Variants in CDYL2 observed in about 807,000 individuals in gnomAD.
The protein encoded by CDYL2 is chromodomain Y like 2.
In CDYL2, 23 loss-of-function variants were observed where a neutral mutation model predicts 49.4. The observed-to-expected ratio is 0.47, with a 90% CI of 0.34 to 0.66. The LOEUF (loss-of-function observed/expected upper bound fraction) is 0.66. CDYL2 is among the 30% of genes least tolerant of loss of function. The probability of loss-of-function intolerance (pLI) is 0.01; values close to 1 mark genes in which losing one functional copy is unlikely to be tolerated. For missense variants in CDYL2, 678 were observed against 656.4 expected, an observed-to-expected ratio of 1.03 and a Z score of -0.36; for synonymous variants, 360 against 268.8, an observed-to-expected ratio of 1.34 and a Z score of -3.32.
At chr16:80,798,960 C>CAAAATG (rs1398432434) in intron 1 of CDYL2, among the ~76,000 whole-genome samples, 1 of 151,926 alleles carries the variant, frequency 6.6e-6, no homozygotes, top group Non-Finnish European at 1.5e-5. Flanking sequence ...TCATTTAAAA[C>CAAAATG]TCATAACACA....
chr16:80,736,881 A>G (rs1905551240), intron 1 of CDYL2, among the ~76,000 whole-genome samples: 1 of 152,200 alleles, frequency 6.6e-6, no homozygotes, highest in Admixed American at 6.5e-5. Context: ...TCACTTGCAC[A>G]TGGATTTATT....
intron 1 of CDYL2, among the ~76,000 whole-genome samples, chr16:80,710,350 C>CA (rs760781956): frequency 6.6e-6 from 1 of 152,152 alleles, no homozygotes; most frequent in Non-Finnish European, 1.5e-5. Context: ...ACAACCCTTC[C>CA]AGCAGTCACA....
At chr16:80,644,598 A>G (rs1344324494) in intron 2 of CDYL2, among the ~76,000 whole-genome samples, 1 of 152,200 alleles carries the variant, frequency 6.6e-6, no homozygotes, top group African/African-American at 2.4e-5. Flanking sequence ...CACATCTCAC[A>G]TGGCAGTGGC....
chr16:80,760,324 C>T (rs1277620240), intron 1 of CDYL2, among the ~76,000 whole-genome samples: 1 of 152,104 alleles, frequency 6.6e-6, no homozygotes, highest in Non-Finnish European at 1.5e-5. Context: ...GAATGGCTAT[C>T]ACAGACTGTG....
chr16:80,670,797 G>A, intron 2 of CDYL2: 2 of 407,492 alleles, frequency 4.9e-6, no homozygotes, highest in South Asian at 3.4e-5. Flanking sequence ...AGGCCTCGAG[G>A]CTGGCGCTCC....
chr16:80,662,416 C>A (rs1325838012), intron 2 of CDYL2, among the ~76,000 whole-genome samples: 1 of 152,184 alleles, frequency 6.6e-6, no homozygotes, highest in African/African-American at 2.4e-5. Context: ...TGATGGAGCT[C>A]CAGGGATATC....
intron 2 of CDYL2, among the ~76,000 whole-genome samples, chr16:80,652,915 A>G (rs1012724553): frequency 6.6e-6 from 1 of 152,224 alleles, no homozygotes. Flanking sequence ...CTGTCAGCCC[A>G]GAGGGGCTAA....
intron 1 of CDYL2, among the ~76,000 whole-genome samples, chr16:80,759,891 G>A (rs1257733285): frequency 2.2e-5 from 3 of 134,608 alleles, no homozygotes; most frequent in Non-Finnish European, 4.7e-5. Flanking sequence ...ATTTTTTTGA[G>A]GTCCTGTCCT....
At chr16:80,701,095 C>G (rs1904298153) in intron 1 of CDYL2, among the ~76,000 whole-genome samples, 1 of 152,172 alleles carries the variant, frequency 6.6e-6, no homozygotes, top group Non-Finnish European at 1.5e-5. Context: ...ACCCTTGAAC[C>G]AGCCATTTGA....
At chr16:80,626,236 C>T (rs1391614582) in intron 3 of CDYL2, among the ~76,000 whole-genome samples, 1 of 141,942 alleles carries the variant, frequency 7.0e-6, no homozygotes, top group Non-Finnish European at 1.5e-5. Flanking sequence ...GAGATCGTAC[C>T]ACCGTACTCC....
intron 2 of CDYL2, among the ~76,000 whole-genome samples, chr16:80,634,099 G>A (rs777452879): frequency 6.6e-6 from 1 of 151,030 alleles, no homozygotes; most frequent in Non-Finnish European, 1.5e-5. Flanking sequence ...AAAAGGGAAA[G>A]AGAGAGGGAA....
At chr16:80,652,191 A>T (rs1908613093) in intron 2 of CDYL2, among the ~76,000 whole-genome samples, 2 of 152,118 alleles carry the variant, frequency 1.3e-5, no homozygotes, top group Admixed American at 6.5e-5. Context: ...CAATAAAAGG[A>T]CCTAGGAAAC....
At chr16:80,783,209 T>G (rs1162368809) in intron 1 of CDYL2, among the ~76,000 whole-genome samples, 3 of 151,994 alleles carry the variant, frequency 2.0e-5, no homozygotes, top group Non-Finnish European at 4.4e-5. Context: ...GGCAAAGAAG[T>G]TGAATAAGTA....
Position 80,707,816 on chromosome 16 carries a change from G to C in CDYL2, c.25-22687C>G, listed in dbSNP as rs145118024. On this transcript the variant is annotated intron_variant, in intron 1 of 6. Transcript: ENST00000570137. ...GAACCCTGGCTCAGGTCAAGGGTTGGTGCTTCAAGTGGCCTGTAATACAAG... is the reference window on the plus strand; with the variant it reads ...GAACCCTGGCTCAGGTCAAGGGTTGCTGCTTCAAGTGGCCTGTAATACAAG... 5.2e-3 allele frequency among the ~76,000 whole-genome samples: 785 copies of C among 152,292 alleles called. 7 individuals carry two copies. The highest frequency in any genetic ancestry group is 0.017 in the African/African-American group (712 of 41,562).
chr16:80,690,628 A>G (rs1910378283), intron 1 of CDYL2, among the ~76,000 whole-genome samples: 1 of 152,184 alleles, frequency 6.6e-6, no homozygotes, highest in Non-Finnish European at 1.5e-5. Flanking sequence ...CGACCACATT[A>G]TATACACCTC....
chr16:80,656,740 G>A (rs576224367), intron 2 of CDYL2, among the ~76,000 whole-genome samples: 9 of 152,268 alleles, frequency 5.9e-5, no homozygotes, highest in Admixed American at 2.6e-4. Flanking sequence ...AGATGAAGCC[G>A]GGCTCACAAA....
At chr16:80,622,196 G>A (rs1051124672) in intron 3 of CDYL2, among the ~76,000 whole-genome samples, 1 of 152,202 alleles carries the variant, frequency 6.6e-6, no homozygotes, top group African/African-American at 2.4e-5. Flanking sequence ...CCCAGAGCAC[G>A]CAGCCAGCCC....
At chr16:80,768,495 G>A (rs566644199) in intron 1 of CDYL2, among the ~76,000 whole-genome samples, 2 of 152,338 alleles carry the variant, frequency 1.3e-5, no homozygotes, top group African/African-American at 2.4e-5. Context: ...CAAGGCCCCA[G>A]TGGATTCAGG....
At chr16:80,751,344 T>C (rs1204180098) in intron 1 of CDYL2, among the ~76,000 whole-genome samples, 2 of 152,232 alleles carry the variant, frequency 1.3e-5, no homozygotes, top group Non-Finnish European at 2.9e-5. Flanking sequence ...AAGGACTTCA[T>C]GGAGGTAACC....
Sources: gnomAD v4.1 joint callset for allele counts (sites outside exome capture counted in the v4.1 genomes callset) on GRCh38, gnomAD v4.1.1 for gene constraint, MANE v1.5 for transcripts, NCBI Gene and HGNC (gene_info 2026-07-23, HGNC 2026-07-21) for gene names.